ADD3: variants seen among roughly 807,000 people sequenced by gnomAD.
ADD3 encodes adducin 3, also known as gamma-adducin.
ADD3 carries 25 observed loss-of-function variants against 80.2 expected under a neutral mutation model. The ratio of observed to expected loss-of-function variants is 0.31; its 90% CI spans 0.23 to 0.44. ADD3 has a LOEUF of 0.44. Among genes scored for constraint, ADD3 ranks in the 20% least tolerant of loss-of-function variants. ADD3 has a pLI of 1.00. For missense variants in ADD3, 829 were observed against 847.5 expected (o/e 0.98, Z 0.27); for synonymous variants, 284 against 289.6 (o/e 0.98, Z 0.20).
chr10:110,059,915 C>T (rs1858679764), intron 1 of ADD3, among the ~76,000 whole-genome samples: 1 of 152,166 alleles, frequency 6.6e-6, no homozygotes, highest in African/African-American at 2.4e-5. Flanking sequence ...TATTTAGGGA[C>T]ATCATGATGA....
chr10:110,039,669 A>G (rs1480968695), intron 1 of ADD3, among the ~76,000 whole-genome samples: 3 of 152,148 alleles, frequency 2.0e-5, no homozygotes, highest in Non-Finnish European at 4.4e-5. Context: ...ACATTATCTC[A>G]CAGTTTCTGT....
intron 1 of ADD3, among the ~76,000 whole-genome samples, chr10:110,069,971 G>A (rs1844465495): frequency 6.6e-6 from 1 of 152,048 alleles, no homozygotes; most frequent in Non-Finnish European, 1.5e-5. Flanking sequence ...GTTACCCAGT[G>A]GCAATTTTGA....
chr10:110,123,964 T>C, intron 9 of ADD3, 53 bp from the exon 10 acceptor site: 1 of 1,548,944 alleles, frequency 6.5e-7, no homozygotes, highest in East Asian at 2.3e-5. Flanking sequence ...AGGATCCAAA[T>C]GCTGTTATTG....
At chr10:110,019,129 T>C (rs1207323680) in intron 1 of ADD3, among the ~76,000 whole-genome samples, 1 of 152,222 alleles carries the variant, frequency 6.6e-6, no homozygotes, top group Non-Finnish European at 1.5e-5. Context: ...ATGTCTGTTA[T>C]ATAACTTTTA....
intron 9 of ADD3, 139 bp from the exon 10 acceptor site, chr10:110,123,878 T>C (rs1851818972): frequency 1.2e-6 from 1 of 803,830 alleles, no homozygotes. Context: ...GAAAGTTATG[T>C]GGTGTTTGGA....
chr10:110,001,544 C>A (rs770562425), upstream of ADD3, among the ~76,000 whole-genome samples: 1 of 152,140 alleles, frequency 6.6e-6, no homozygotes, highest in Non-Finnish European at 1.5e-5. Context: ...CGGGGCCATC[C>A]GCATTTCACT....
At chr10:110,127,184 A>G (rs978798898) in intron 12 of ADD3, among the ~76,000 whole-genome samples, 1 of 152,014 alleles carries the variant, frequency 6.6e-6, no homozygotes, top group African/African-American at 2.4e-5. Context: ...CGTTATTTAT[A>G]TTACTACATG....
At chr10:110,130,576 C>A in intron 13 of ADD3, 90 bp downstream of exon 13, 1 of 1,428,884 alleles carries the variant, frequency 7.0e-7, no homozygotes, top group Non-Finnish European at 9.6e-7. Flanking sequence ...GTCAGTGTGG[C>A]CGGGCACAAT....
chr10:110,071,460 C>T (rs985336728), intron 1 of ADD3, among the ~76,000 whole-genome samples: 2 of 152,148 alleles, frequency 1.3e-5, no homozygotes, highest in African/African-American at 4.8e-5. Context: ...AAACAAATTG[C>T]ATGTGTCATG....
At chr10:110,074,353 T>G (rs924419002) in intron 1 of ADD3, among the ~76,000 whole-genome samples, 1 of 152,218 alleles carries the variant, frequency 6.6e-6, no homozygotes, top group Non-Finnish European at 1.5e-5. Flanking sequence ...ATGGAATGTT[T>G]CATTCACTCC....
intron 1 of ADD3, chr10:109,997,690 A>G (rs1022976166): frequency 1.3e-5 from 2 of 152,272 alleles, no homozygotes; most frequent in Non-Finnish European, 2.9e-5. Context: ...TTGAATTCTT[A>G]AAGCCATGCT....
chr10:110,069,845 T>A (rs905034205), intron 1 of ADD3, among the ~76,000 whole-genome samples: 6 of 152,238 alleles, frequency 3.9e-5, no homozygotes, highest in Non-Finnish European at 8.8e-5. Flanking sequence ...TTTGAGTTTC[T>A]TTTCTTAGCA....
At chr10:110,128,973 G>A (rs569879874) in intron 12 of ADD3, among the ~76,000 whole-genome samples, 6 of 152,222 alleles carry the variant, frequency 3.9e-5, no homozygotes, top group Admixed American at 3.9e-4. Context: ...GATTGGATGT[G>A]GACCAGGTTG....
chr10:110,012,206 G>A (rs1488035403), intron 1 of ADD3, among the ~76,000 whole-genome samples: 3 of 152,196 alleles, frequency 2.0e-5, no homozygotes, highest in East Asian at 1.9e-4. Flanking sequence ...AGTATGCATA[G>A]AGTAATACCT....
intron 1 of ADD3, among the ~76,000 whole-genome samples, chr10:110,062,324 G>A (rs112063740): frequency 0.022 from 3,347 of 151,546 alleles, 130 homozygotes; most frequent in African/African-American, 0.073. Context: ...AACCTGGAAG[G>A]CAGAGGTTGC....
intron 9 of ADD3, among the ~76,000 whole-genome samples, chr10:110,122,745 C>A (rs117268456): frequency 6.6e-6 from 1 of 151,940 alleles, no homozygotes; most frequent in Non-Finnish European, 1.5e-5. Context: ...CCTCAGCCTC[C>A]TGTGTATCTG....
chr10:110,045,353 CA>C (rs772764388), intron 1 of ADD3, among the ~76,000 whole-genome samples: 36 of 141,870 alleles, frequency 2.5e-4, no homozygotes, highest in Admixed American at 4.9e-4. Flanking sequence ...GACTCTGTCT[CA>C]AAAAAAAAAA....
At chr10:110,058,571 C>T (rs1000273332) in intron 1 of ADD3, among the ~76,000 whole-genome samples, 1 of 152,156 alleles carries the variant, frequency 6.6e-6, no homozygotes, top group Non-Finnish European at 1.5e-5. Flanking sequence ...CAGTGCTGTG[C>T]TCTCCTCTGA....
upstream of ADD3, chr10:110,006,014 G>C: frequency 4.1e-6 from 1 of 242,940 alleles, no homozygotes; most frequent in South Asian, 4.6e-5. Flanking sequence ...TGCCGCCGCC[G>C]CCGCTGCTGC....
Sources: gnomAD v4.1 joint callset for allele counts (sites outside exome capture counted in the v4.1 genomes callset) on GRCh38, gnomAD v4.1.1 for gene constraint, MANE v1.5 for transcripts, NCBI Gene and HGNC (gene_info 2026-07-23, HGNC 2026-07-21) for gene names.